Variants in SPON2 observed in about 807,000 individuals in gnomAD.
SPON2 encodes spondin-2.
Under a neutral mutation model 29.9 loss-of-function variants are expected in SPON2, and 32 were observed. The observed-to-expected ratio is 1.07, with a 90% CI of 0.81 to 1.44. The LOEUF is 1.44. Ranked by LOEUF, SPON2 falls within the 40% of genes most tolerant of loss-of-function variation. The pLI is 0.00. For synonymous variants in SPON2, 248 were observed against 209.1 expected (o/e 1.19, Z -1.61); for missense variants, 541 against 455.5 (o/e 1.19, Z -1.71).
In SPON2 at chr4:1,171,034, TGGG is replaced by T. The variant is rs769594667; in HGVS notation, c.598_600del (p.Pro200del). ...GTGTCCTGCGGGATGGTGGCGAAGTTGGGGGAGGAGAAGGTGAAGCCGCTGTCC... is the reference window on the plus strand; with the variant it reads ...GTGTCCTGCGGGATGGTGGCGAAGTTGGAGGAGAAGGTGAAGCCGCTGTCC... On this transcript the variant is annotated inframe_deletion, in exon 4 of 6. Transcript: ENST00000290902. 6.5e-7 allele frequency: 1 copy of T among 1,548,442 alleles called. No individual in the cohort carries two copies. Among genetic ancestry groups the T allele is most frequent in the African/African-American group, 1.4e-5 (1 of 72,944 alleles).
At chr4:1,191,096 G>A (rs564182999) in intron 1 of SPON2, among the ~76,000 whole-genome samples, 1 of 101,238 alleles carries the variant, frequency 9.9e-6, no homozygotes, top group East Asian at 2.6e-4. Flanking sequence ...TTTTTTTTTT[G>A]CAGAAATGGA....
rs766539106 is a variant in SPON2, at chr4:1,167,662, C to T, written c.812-6G>A. The T allele has an allele frequency of 2.6e-5, 41 of 1,594,576 alleles. No individual in the cohort carries two copies. The highest frequency in any genetic ancestry group is 1.4e-4 in the Admixed American group (8 of 58,152). On this transcript the variant is annotated splice_polypyrimidine_tract_variant and splice_region_variant and intron_variant, in intron 5 of 5. Transcript: ENST00000290902. ...GTCCAGCGGCGTTTCTGGAACTGGA[C>T]CAAGCAAAGGGGAGACCGAGGTGAA... is the stretch of plus-strand genomic sequence containing the variant.
upstream of SPON2, among the ~76,000 whole-genome samples, chr4:1,173,893 C>T (rs1727536053): frequency 6.6e-6 from 1 of 152,226 alleles, no homozygotes; most frequent in Non-Finnish European, 1.5e-5. Context: ...TCTGAGGACT[C>T]CTTCATACTC....
chr4:1,180,729 C>T (rs1472324229), intron 1 of SPON2, among the ~76,000 whole-genome samples: 1 of 152,066 alleles, frequency 6.6e-6, no homozygotes, highest in African/African-American at 2.4e-5. Flanking sequence ...TTGAAAAGTA[C>T]AATAACTGAA....
intron 1 of SPON2, chr4:1,179,618 T>C (rs1727670472): frequency 6.6e-6 from 1 of 152,230 alleles, no homozygotes; most frequent in South Asian, 2.1e-4. Context: ...TGTAGGGTTA[T>C]TTTATTTTAT....
chr4:1,204,188 T>A (rs1728283601), intron 1 of SPON2, among the ~76,000 whole-genome samples: 2 of 152,222 alleles, frequency 1.3e-5, no homozygotes. Context: ...AGTTTGCCCA[T>A]TTTTTAACTA....
chr4:1,205,272 C>T (rs1728311582), intron 1 of SPON2, among the ~76,000 whole-genome samples: 1 of 152,212 alleles, frequency 6.6e-6, no homozygotes. Context: ...GGGGAAGAGG[C>T]CATGCCCGGA....
intron 1 of SPON2, among the ~76,000 whole-genome samples, chr4:1,191,238 CAG>C (rs1270132470): frequency 6.6e-6 from 1 of 152,070 alleles, no homozygotes; most frequent in Admixed American, 6.5e-5. Context: ...GTAATCAAGA[CAG>C]TATGGTACTG....
At chr4:1,171,549 A>AG in intron 2 of SPON2, 63 bp from the exon 3 acceptor site, 1 of 1,516,450 alleles carries the variant, frequency 6.6e-7, no homozygotes, top group Non-Finnish European at 9.0e-7. Flanking sequence ...CTTGGATTCC[A>AG]GGGGGCGCCC....
At chr4:1,196,549 A>G (rs763323853), upstream of SPON2, among the ~76,000 whole-genome samples, 8 of 152,154 alleles carry the variant, frequency 5.3e-5, no homozygotes, top group Non-Finnish European at 7.4e-5. Context: ...AGGCCACTGC[A>G]GTGACCAGGG....
intron 1 of SPON2, among the ~76,000 whole-genome samples, chr4:1,181,451 G>C (rs181510793): frequency 6.6e-6 from 1 of 152,188 alleles, no homozygotes; most frequent in Non-Finnish European, 1.5e-5. Flanking sequence ...CACTGGTAAA[G>C]GCAGTGACAT....
chr4:1,195,791 C>A (rs1475873745), upstream of SPON2, among the ~76,000 whole-genome samples: 1 of 152,054 alleles, frequency 6.6e-6, no homozygotes, highest in Non-Finnish European at 1.5e-5. Flanking sequence ...TGTGCACTAC[C>A]ACACCCAGCT....
intron 1 of SPON2, among the ~76,000 whole-genome samples, chr4:1,200,361 G>A (rs1353138353): frequency 2.6e-5 from 4 of 152,208 alleles, no homozygotes; most frequent in Non-Finnish European, 4.4e-5. Context: ...GGGTGAGCAG[G>A]GTGGGTCGGG....
intron 1 of SPON2, among the ~76,000 whole-genome samples, chr4:1,186,411 C>T (rs1727808035): frequency 6.6e-6 from 1 of 151,738 alleles, no homozygotes; most frequent in Non-Finnish European, 1.5e-5. Flanking sequence ...TCCAGCAATT[C>T]TCCTGTCTCA....
Position 1,202,160 on chromosome 4 carries a change from G to T in SPON2, c.-234+5720C>A, listed in dbSNP as rs1399576204. ...CATCAGACAGCAGTTTATCAACAGA[G>T]ACTTCCTGCCTCCCCGTCTGGAGGC... is the stretch of plus-strand genomic sequence containing the variant. On this transcript the variant is annotated intron_variant, in intron 1 of 3. Coordinates refer to the SPON2 transcript ENST00000509233. The surrounding 1 kb of genome is among the most constrained non-coding windows in gnomAD (Gnocchi z 5.4). Among the ~76,000 whole-genome samples the T allele has an allele frequency of 1.3e-5, 2 of 152,182 alleles. No individual in the cohort carries two copies. The highest frequency in any genetic ancestry group is 2.9e-5 in the Non-Finnish European group (2 of 68,028).
At chr4:1,174,835 T>C (rs1205235170), upstream of SPON2, among the ~76,000 whole-genome samples, 4 of 152,250 alleles carry the variant, frequency 2.6e-5, no homozygotes, top group East Asian at 7.7e-4. Context: ...TGCTGAGATG[T>C]GCTGTTGGTT....
Position 1,172,059 on chromosome 4 carries a change from TG to T in SPON2, c.12del (p.Ser5AlafsTer102). 6.2e-7 allele frequency: 1 copy of T among 1,611,078 alleles called. No individual in the cohort carries two copies. Among genetic ancestry groups the T allele is most frequent in the Non-Finnish European group, 8.5e-7 (1 of 1,179,516 alleles). MEN[P>X]SPAAALGKAL... ...GCCTTGCCCAGGGCGGCGGCCGGGC[TG>T]GGGTTTTCCATCACCTGGGAGCACA... On this transcript the variant is annotated frameshift_variant, in exon 2 of 6. Transcript: ENST00000290902. LOFTEE classifies it high-confidence loss of function.
intron 1 of SPON2, among the ~76,000 whole-genome samples, chr4:1,186,043 G>C (rs369005578): frequency 1.3e-5 from 2 of 150,070 alleles, no homozygotes; most frequent in Non-Finnish European, 3.0e-5. Flanking sequence ...AGGAGATCGA[G>C]ACCATCCTGG....
Position 1,171,474 on chromosome 4 carries a change from C to T in SPON2, c.233G>A (p.Ser78Asn). Residue 78 changes from serine (S) to asparagine (N), a missense_variant, in exon 3 of 6, where the codon AGC becomes AAC. Transcript: ENST00000290902. ...QWSSLLGAAH[S>N]SDYSMWRKNQ... ...CTTCCTCCACATGCTGTAGTCGGAG[C>T]TATGCGCGGCCCCTGCAGGACCACC... The T allele has an allele frequency of 6.2e-7, 1 of 1,611,616 alleles. No homozygotes were observed. Among genetic ancestry groups the T allele is most frequent in the Admixed American group, 1.7e-5 (1 of 60,000 alleles).
Sources: allele counts gnomAD v4.1 joint callset (sites outside exome capture counted in the v4.1 genomes callset), GRCh38; gene constraint gnomAD v4.1.1; non-coding constraint Gnocchi (gnomAD v3.1); transcripts MANE v1.5; gene names NCBI Gene and HGNC (gene_info 2026-07-23, HGNC 2026-07-21).